The following NYAP2 variants were observed in gnomAD, a reference collection of about 807,000 sequenced individuals.
NYAP2 encodes neuronal tyrosine-phosphorylated phosphoinositide-3-kinase adaptor 2.
In NYAP2, 23 loss-of-function variants were observed where a neutral mutation model predicts 50.4. That is an observed-to-expected ratio of 0.46 (90% confidence interval 0.33 to 0.65). NYAP2 has a LOEUF of 0.65. Ranked by LOEUF, NYAP2 falls within the 30% of genes least tolerant of loss-of-function variation. NYAP2 has a pLI of 0.02. For missense variants in NYAP2, 885 were observed against 861.0 expected, an observed-to-expected ratio of 1.03 and a Z score of -0.35; for synonymous variants, 394 against 365.2, an observed-to-expected ratio of 1.08 and a Z score of -0.90.
intron 4 of NYAP2, among the ~76,000 whole-genome samples, chr2:225,513,941 C>T (rs895761380): frequency 6.6e-6 from 1 of 151,992 alleles, no homozygotes; most frequent in African/African-American, 2.4e-5. Context: ...ATTATTCTGC[C>T]CAGAAATATA....
intron 3 of NYAP2, among the ~76,000 whole-genome samples, chr2:225,511,621 T>A (rs1347152104): frequency 6.6e-6 from 1 of 152,078 alleles, no homozygotes; most frequent in Non-Finnish European, 1.5e-5. Flanking sequence ...TTGGGTTGAG[T>A]GGCAAGTTAT....
chr2:225,426,040 G>A lies in NYAP2; in HGVS notation c.221+16939G>A, dbSNP rs116632554. Among the ~76,000 whole-genome samples the A allele has an allele frequency of 3.9e-3, 595 of 151,848 alleles. 5 individuals are homozygous for A. Among genetic ancestry groups the A allele is most frequent in the African/African-American group, 0.012 (512 of 41,382 alleles). On this transcript the variant is annotated intron_variant, in intron 3 of 6. Transcript: ENST00000636099. ...ACATCAAGATGAAAAAAATAAAGAC[G>A]TAGTTTGACAGGAATTAATTCTTGA... is the stretch of plus-strand genomic sequence containing the variant.
At chr2:225,434,646 G>C (rs1466622209) in intron 3 of NYAP2, among the ~76,000 whole-genome samples, 1 of 152,186 alleles carries the variant, frequency 6.6e-6, no homozygotes, top group African/African-American at 2.4e-5. Flanking sequence ...CATTTTCTCT[G>C]TGAACTTTCT....
chr2:225,616,780 T>C (rs1345245371), intron 5 of NYAP2, among the ~76,000 whole-genome samples: 1 of 152,154 alleles, frequency 6.6e-6, no homozygotes, highest in East Asian at 1.9e-4. Context: ...GAGTGAACTG[T>C]TCCAAGTGGT....
chr2:225,401,712 T>C (rs943242847), intron 2 of NYAP2, among the ~76,000 whole-genome samples: 4 of 151,986 alleles, frequency 2.6e-5, no homozygotes, highest in Non-Finnish European at 5.9e-5. Flanking sequence ...TTTTTCCAAC[T>C]ACTCAGCAAT....
intron 4 of NYAP2, among the ~76,000 whole-genome samples, chr2:225,540,510 G>A (rs1309545736): frequency 6.6e-6 from 1 of 152,116 alleles, no homozygotes; most frequent in African/African-American, 2.4e-5. Context: ...CTTTATCACT[G>A]TCATGAGAAT....
intron 5 of NYAP2, among the ~76,000 whole-genome samples, chr2:225,583,471 C>T (rs1574692972): frequency 6.6e-6 from 1 of 152,012 alleles, no homozygotes; most frequent in East Asian, 1.9e-4. Flanking sequence ...AATAGTGTAT[C>T]TTGAATGTAA....
exon 1 of NYAP2, chr2:225,399,777 C>T (rs1694826578): frequency 6.6e-6 from 1 of 152,044 alleles, no homozygotes. Context: ...ATAAGGGTAT[C>T]AAACTGAGAT....
chr2:225,591,654 A>T (rs145192037), intron 5 of NYAP2, among the ~76,000 whole-genome samples: 72 of 152,234 alleles, frequency 4.7e-4, no homozygotes, highest in African/African-American at 1.7e-3. Flanking sequence ...GATGGAAGAA[A>T]CTGAGGCACA....
At chr2:225,446,133 A>G (rs1689550748) in intron 3 of NYAP2, among the ~76,000 whole-genome samples, 1 of 150,844 alleles carries the variant, frequency 6.6e-6, no homozygotes, top group Admixed American at 6.6e-5. Context: ...GTGAGCCCAG[A>G]TTGCACCACT....
chr2:225,651,219 A>G (rs1308220412), intron 6 of NYAP2, among the ~76,000 whole-genome samples: 2 of 152,232 alleles, frequency 1.3e-5, no homozygotes, highest in Non-Finnish European at 2.9e-5. Flanking sequence ...TGTGCTTCTG[A>G]GAGTTGTTCC....
At chr2:225,603,262 C>A (rs947088268) in intron 5 of NYAP2, among the ~76,000 whole-genome samples, 6 of 152,056 alleles carry the variant, frequency 3.9e-5, no homozygotes, top group African/African-American at 1.2e-4. Flanking sequence ...TATAGAACAC[C>A]TAGTCTGTGC....
chr2:225,414,245 TA>T, intron 3 of NYAP2, among the ~76,000 whole-genome samples: 1 of 152,168 alleles, frequency 6.6e-6, no homozygotes, highest in Non-Finnish European at 1.5e-5. Flanking sequence ...ATCAAATAAA[TA>T]AAAAGCGATG....
intron 6 of NYAP2, among the ~76,000 whole-genome samples, chr2:225,643,386 A>T (rs1002845096): frequency 2.0e-5 from 3 of 152,128 alleles, no homozygotes; most frequent in African/African-American, 7.2e-5. Context: ...CAACTGGCAA[A>T]TTAATTGTAT....
At chr2:225,632,001 A>G (rs1338948693) in intron 6 of NYAP2, among the ~76,000 whole-genome samples, 3 of 152,232 alleles carry the variant, frequency 2.0e-5, no homozygotes, top group East Asian at 3.9e-4. Context: ...CATTTTTAGT[A>G]GAGACGGGGT....
the NYAP2 span, chr2:225,701,857 T>C: frequency 6.6e-6 from 1 of 151,842 alleles, no homozygotes; most frequent in East Asian, 1.9e-4. Flanking sequence ...AGAATGTTTT[T>C]ATTACTACAT....
At chr2:225,638,556 G>A (rs1693467799) in intron 6 of NYAP2, among the ~76,000 whole-genome samples, 1 of 152,100 alleles carries the variant, frequency 6.6e-6, no homozygotes, top group Non-Finnish European at 1.5e-5. Flanking sequence ...GGGCAGCCAG[G>A]ACTCTCAGGA....
chr2:225,544,512 T>C (rs985226749), intron 4 of NYAP2, among the ~76,000 whole-genome samples: 5 of 152,188 alleles, frequency 3.3e-5, no homozygotes, highest in South Asian at 4.2e-4. Flanking sequence ...ACAAAACTAA[T>C]TGGATAAATG....
intron 6 of NYAP2, among the ~76,000 whole-genome samples, chr2:225,631,385 CA>C (rs1693312485): frequency 6.6e-6 from 1 of 152,062 alleles, no homozygotes; most frequent in Non-Finnish European, 1.5e-5. Context: ...GTCTACTGAC[CA>C]GAAGAAATGA....
Sources: gnomAD v4.1 joint callset for allele counts (sites outside exome capture counted in the v4.1 genomes callset) on GRCh38, gnomAD v4.1.1 for gene constraint, MANE v1.5 for transcripts, NCBI Gene and HGNC (gene_info 2026-07-23, HGNC 2026-07-21) for gene names.